Variants in ANKS1B observed in about 807,000 individuals in gnomAD.
ANKS1B encodes ankyrin repeat and sterile alpha motif domain-containing protein 1B.
ANKS1B carries 36 observed loss-of-function variants against 148.3 expected under a neutral mutation model. The observed-to-expected ratio is 0.24, with a 90% confidence interval of 0.19 to 0.32. ANKS1B has a LOEUF of 0.32. Among genes scored for constraint, ANKS1B ranks in the 10% least tolerant of loss-of-function variants. ANKS1B has a pLI of 1.00. For missense variants in ANKS1B, 1,157 were observed against 1,542.6 expected, an observed-to-expected ratio of 0.75 and a Z score of 4.19; for synonymous variants, 542 against 560.8, an observed-to-expected ratio of 0.97 and a Z score of 0.47.
At chr12:99,458,229 T>C (rs2095878182) in intron 10 of ANKS1B, among the ~76,000 whole-genome samples, 1 of 151,692 alleles carries the variant, frequency 6.6e-6, no homozygotes, top group Admixed American at 6.6e-5. Flanking sequence ...CACTGAACAA[T>C]AATAGTGACA....
intron 12 of ANKS1B, among the ~76,000 whole-genome samples, chr12:99,372,039 C>G (rs1487804996): frequency 6.6e-6 from 1 of 152,034 alleles, no homozygotes; most frequent in African/African-American, 2.4e-5. Context: ...CTATATGATA[C>G]CACAATGATG....
intron 11 of ANKS1B, among the ~76,000 whole-genome samples, chr12:99,408,354 G>A (rs1360409805): frequency 6.9e-6 from 1 of 145,594 alleles, no homozygotes; most frequent in Admixed American, 6.8e-5. Flanking sequence ...AAATCAAAAT[G>A]GATTAAATAA....
At chr12:99,528,501 T>A (rs771397068) in intron 9 of ANKS1B, among the ~76,000 whole-genome samples, 2 of 150,518 alleles carry the variant, frequency 1.3e-5, no homozygotes, top group African/African-American at 2.4e-5. Flanking sequence ...AGAAAATATT[T>A]GCAAAGTATG....
At chr12:99,930,399 C>T (rs2094583505) in intron 1 of ANKS1B, among the ~76,000 whole-genome samples, 1 of 152,172 alleles carries the variant, frequency 6.6e-6, no homozygotes, top group Non-Finnish European at 1.5e-5. Flanking sequence ...AGATTTTGGG[C>T]TGAGACAATG....
At chr12:99,871,764 A>G (rs2091544767) in intron 1 of ANKS1B, among the ~76,000 whole-genome samples, 1 of 152,102 alleles carries the variant, frequency 6.6e-6, no homozygotes, top group African/African-American at 2.4e-5. Flanking sequence ...CATTGATTTC[A>G]TATCCTGAAA....
At chr12:99,290,707 T>C (rs1026945844) in intron 12 of ANKS1B, among the ~76,000 whole-genome samples, 20 of 152,246 alleles carry the variant, frequency 1.3e-4, no homozygotes, top group African/African-American at 4.6e-4. Context: ...AAAAAGCATT[T>C]GATAAAATTC....
intron 12 of ANKS1B, among the ~76,000 whole-genome samples, chr12:99,357,722 T>C (rs935565213): frequency 6.6e-6 from 1 of 152,070 alleles, no homozygotes; most frequent in Non-Finnish European, 1.5e-5. Flanking sequence ...TTTAATAAAT[T>C]AGGTGAAAAA....
At chr12:99,488,520 C>A (rs1243128896) in intron 10 of ANKS1B, among the ~76,000 whole-genome samples, 1 of 152,018 alleles carries the variant, frequency 6.6e-6, no homozygotes, top group East Asian at 1.9e-4. Flanking sequence ...TATTAAGTAC[C>A]TTTGTTTCTC....
At chr12:98,756,465 C>A (rs1244953100) in intron 25 of ANKS1B, among the ~76,000 whole-genome samples, 4 of 149,914 alleles carry the variant, frequency 2.7e-5, no homozygotes, top group Admixed American at 2.0e-4. Context: ...TTAGAACAGA[C>A]TAATATAGAG....
Position 99,853,577 on chromosome 12 carries a change from C to T in ANKS1B, c.135-28188G>A, listed in dbSNP as rs536594517. Among the ~76,000 whole-genome samples, 6 of 152,268 alleles carry T rather than the reference C, an allele frequency of 3.9e-5. No individual in the cohort carries two copies. The South Asian group carries it at 1.0e-3, about 26-fold the overall frequency. ...GGAGCACCCTGTGGTACAAAAAAATCTGAACAGCAGCCCCTTAGTGTCCCA... is the reference window on the plus strand; with the variant it reads ...GGAGCACCCTGTGGTACAAAAAAATTTGAACAGCAGCCCCTTAGTGTCCCA... On this transcript the variant is annotated intron_variant, in intron 1 of 26. Coordinates refer to ENST00000683438, the MANE Select transcript of ANKS1B (RefSeq NM_001352186.2).
intron 17 of ANKS1B, among the ~76,000 whole-genome samples, chr12:98,846,719 T>G (rs1176803236): frequency 6.6e-6 from 1 of 152,240 alleles, no homozygotes; most frequent in Non-Finnish European, 1.5e-5. Context: ...CTTTCTGGAA[T>G]GTCTCCTTTT....
At chr12:99,100,703 T>C (rs912848012) in intron 15 of ANKS1B, among the ~76,000 whole-genome samples, 2 of 152,202 alleles carry the variant, frequency 1.3e-5, no homozygotes, top group Non-Finnish European at 2.9e-5. Flanking sequence ...CTAAGTTTTG[T>C]ATTTTTAGTA....
At chr12:99,128,781 G>C (rs1952442432) in intron 15 of ANKS1B, among the ~76,000 whole-genome samples, 1 of 152,162 alleles carries the variant, frequency 6.6e-6, no homozygotes, top group Admixed American at 6.5e-5. Context: ...AGAGAATATA[G>C]AGATGAGATC....
At chr12:99,208,215 C>T (rs1482092448) in intron 14 of ANKS1B, among the ~76,000 whole-genome samples, 2 of 152,048 alleles carry the variant, frequency 1.3e-5, no homozygotes, top group Non-Finnish European at 2.9e-5. Flanking sequence ...TGAATCCTCT[C>T]TATTAAAGAG....
chr12:99,113,154 G>T (rs144015748), intron 15 of ANKS1B, among the ~76,000 whole-genome samples: 140 of 152,304 alleles, frequency 9.2e-4, no homozygotes, highest in Non-Finnish European at 1.4e-3. Flanking sequence ...CCAATATAGG[G>T]TGATACTAAT....
At chr12:99,102,325 G>A (rs757119196) in intron 15 of ANKS1B, among the ~76,000 whole-genome samples, 6 of 152,218 alleles carry the variant, frequency 3.9e-5, no homozygotes, top group African/African-American at 1.2e-4. Flanking sequence ...GAATGTAGAC[G>A]ATTGTTTTGA....
chr12:99,906,279 T>C (rs1184844772), intron 1 of ANKS1B, among the ~76,000 whole-genome samples: 3 of 152,202 alleles, frequency 2.0e-5, no homozygotes, highest in East Asian at 1.9e-4. Flanking sequence ...ACGTGAATAA[T>C]GTAGTGATCT....
chr12:98,938,794 T>C (rs774951540), intron 17 of ANKS1B, among the ~76,000 whole-genome samples: 4 of 152,294 alleles, frequency 2.6e-5, no homozygotes, highest in East Asian at 1.9e-4. Flanking sequence ...GCTGAAGACA[T>C]TGACAAAGGC....
At chr12:99,596,368 T>C (rs989343551) in intron 9 of ANKS1B, among the ~76,000 whole-genome samples, 1 of 151,946 alleles carries the variant, frequency 6.6e-6, no homozygotes, top group Admixed American at 6.6e-5. Context: ...ATAAACCTTT[T>C]TCCTGTGTGT....
Sources: allele counts gnomAD v4.1 joint callset (sites outside exome capture counted in the v4.1 genomes callset), GRCh38; gene constraint gnomAD v4.1.1; transcripts MANE v1.5; gene names NCBI Gene and HGNC (gene_info 2026-07-23, HGNC 2026-07-21).